Variants in UBE2V2 observed in about 807,000 individuals in gnomAD.
UBE2V2 encodes ubiquitin conjugating enzyme E2 V2.
A neutral mutation model predicts 17.2 loss-of-function variants in UBE2V2; 9 were observed. That is an observed-to-expected ratio of 0.52 (90% CI 0.32 to 0.91). The LOEUF is 0.91. Ranked by LOEUF, UBE2V2 falls within the 40% of genes least tolerant of loss-of-function variation. UBE2V2 has a pLI of 0.04. For missense variants in UBE2V2, 133 were observed against 182.6 expected (o/e 0.73, Z 1.56); for synonymous variants, 61 against 57.5 (o/e 1.06, Z -0.28).
chr8:48,042,829 T>G (rs2091472833), intron 1 of UBE2V2: 2 of 410,922 alleles, frequency 4.9e-6, no homozygotes, highest in South Asian at 1.8e-4. Flanking sequence ...CTGCTGTTAA[T>G]GTTTGGTACA....
chr8:48,014,035 A>G (rs758490126), intron 1 of UBE2V2, among the ~76,000 whole-genome samples: 24 of 152,240 alleles, frequency 1.6e-4, no homozygotes, highest in Non-Finnish European at 4.4e-5. Context: ...CATAGTTTAA[A>G]TCATAACCTA....
intron 3 of UBE2V2, among the ~76,000 whole-genome samples, chr8:48,056,635 AC>A (rs2091573582): frequency 6.7e-6 from 1 of 149,636 alleles, no homozygotes; most frequent in Admixed American, 6.6e-5. Flanking sequence ...CAAGAGATCC[AC>A]CCGCCTATCT....
upstream of UBE2V2, among the ~76,000 whole-genome samples, chr8:48,005,225 G>A (rs1276256128): frequency 6.6e-6 from 1 of 151,634 alleles, no homozygotes; most frequent in Admixed American, 6.6e-5. Flanking sequence ...GTGTCCATGT[G>A]TTCTCACTGT....
intron 1 of UBE2V2, chr8:48,042,306 A>C (rs1369335706): frequency 6.6e-6 from 1 of 152,234 alleles, no homozygotes; most frequent in Admixed American, 6.5e-5. Flanking sequence ...TCTAAGGTGC[A>C]TAAAATTAAA....
At chr8:48,006,234 C>T (rs946028194), upstream of UBE2V2, among the ~76,000 whole-genome samples, 8 of 152,200 alleles carry the variant, frequency 5.3e-5, no homozygotes, top group African/African-American at 1.9e-4. Flanking sequence ...CTGCATATGG[C>T]TACCCAGTTT....
chr8:48,012,784 AAAAG>A (rs1156581215), intron 1 of UBE2V2, among the ~76,000 whole-genome samples: 2 of 152,194 alleles, frequency 1.3e-5, no homozygotes, highest in African/African-American at 2.4e-5. Flanking sequence ...AGTTTTACAG[AAAAG>A]TTGTGAAGAT....
intron 1 of UBE2V2, among the ~76,000 whole-genome samples, chr8:48,030,487 C>T (rs1166712757): frequency 6.6e-6 from 1 of 152,106 alleles, no homozygotes; most frequent in Non-Finnish European, 1.5e-5. Context: ...TTGGGAGGCC[C>T]AGGCAGGCAG....
intron 1 of UBE2V2, among the ~76,000 whole-genome samples, chr8:48,021,684 G>T (rs1030377008): frequency 6.6e-6 from 1 of 150,814 alleles, no homozygotes; most frequent in South Asian, 2.1e-4. Context: ...GAGCCAATGC[G>T]CCTGGCTCTC....
intron 1 of UBE2V2, chr8:48,034,873 C>A: frequency 5.3e-6 from 1 of 188,322 alleles, no homozygotes; most frequent in Non-Finnish European, 9.9e-6. Flanking sequence ...TAGAGTCACT[C>A]ATGTGGTTGC....
rs929303298 is a variant in UBE2V2, at chr8:48,062,064, T to C, written c.*1236T>C. On this transcript the variant is annotated 3_prime_UTR_variant, in exon 4 of 4. Coordinates refer to ENST00000523111, the MANE Select transcript of UBE2V2 (RefSeq NM_003350.3). ...AACTCTGAAGTTGAAAAGTCATTTA[T>C]GTTCCGCTTTCACCAAAGTGACGTG... The C allele has an allele frequency of 7.2e-5, 11 of 152,216 alleles. No individual in the cohort carries two copies. Among genetic ancestry groups the C allele is most frequent in the African/African-American group, 2.7e-4 (11 of 41,462 alleles). The allele number at this position is 152,216 out of a possible 1,614,324, so 9.4% of individuals were successfully genotyped here. A position where few individuals can be genotyped will look rare whatever the true frequency, so the allele number is the denominator to read the frequency against.
chr8:48,048,646 A>C (rs1393388808), intron 2 of UBE2V2, among the ~76,000 whole-genome samples: 1 of 152,146 alleles, frequency 6.6e-6, no homozygotes, highest in African/African-American at 2.4e-5. Flanking sequence ...TTTTTCTTAA[A>C]GTATTGAAAT....
chr8:48,003,165 G>A, the UBE2V2 span, among the ~76,000 whole-genome samples: 7 of 150,438 alleles, frequency 4.7e-5, no homozygotes, highest in Non-Finnish European at 1.0e-4. Context: ...AGCCAAGATT[G>A]CGCCACTGCA....
At position 48,049,955 on chromosome 8, in the gene UBE2V2, G is replaced by A. The variant is rs1350884684; in HGVS notation, c.268G>A (p.Gly90Arg). The A allele has an allele frequency of 5.8e-6, 9 of 1,560,052 alleles. No individual in the cohort carries two copies. The highest frequency in any genetic ancestry group is 2.3e-5 in the East Asian group (1 of 43,766). ...ATTTGTAACAAAAATTAATATGAAC[G>A]GAATAAATAATTCCAGTGGGATGGT... ...VRFVTKINMN[G>R]INNSSGMVDA... is the part of the protein sequence containing the mutation. The change falls in exon 3 of 4, where the codon GGA (glycine) becomes AGA (arginine). Residue 90 changes from glycine (G) to arginine (R), a missense_variant. Gly to Arg is a moderately radical substitution (Grantham distance 125). This residue lies in a region of UBE2V2 where 92 missense variants were observed against 124.3 expected (regional missense o/e 0.74). Transcript: ENST00000523111.
chr8:48,007,716 G>GT (rs1009639367), upstream of UBE2V2, among the ~76,000 whole-genome samples: 1 of 146,788 alleles, frequency 6.8e-6, no homozygotes, highest in Non-Finnish European at 1.5e-5. Flanking sequence ...CGCCCAGCCT[G>GT]TATTACTTTC....
Position 48,012,582 on chromosome 8 carries a change from G to A in UBE2V2, c.16+4112G>A, listed in dbSNP as rs192021299. Among the ~76,000 whole-genome samples, 758 of 152,000 alleles carry A rather than the reference G, an allele frequency of 5.0e-3. 4 individuals are homozygous for A. The highest frequency in any genetic ancestry group is 8.6e-3 in the Non-Finnish European group (585 of 67,994). On this transcript the variant is annotated intron_variant, in intron 1 of 3. Transcript: ENST00000523111. ...AAAAATACAAAATTATCCGGGCGTG[G>A]TGGCACATGCCTGTAATTCCAGCTA...
rs1403726742 is a variant in UBE2V2 at position 48,062,239 on chromosome 8, C to G, written c.*1411C>G. 6.6e-6 allele frequency: 1 copy of G among 151,678 alleles called. No homozygotes were observed. Among genetic ancestry groups the G allele is most frequent in the East Asian group, 1.9e-4 (1 of 5,194 alleles). The allele number at this position is 151,678 out of a possible 1,614,324, so 9.4% of individuals were successfully genotyped here. ...CTTAATAATTTGTGTCATACTTTAC[C>G]CCAGTATATATAGGCAAACCAAAAC... On this transcript the variant is annotated 3_prime_UTR_variant, in exon 4 of 4. Transcript: ENST00000523111.
In UBE2V2 at chr8:48,008,857, G is replaced by A. The variant is rs556201894; in HGVS notation, c.16+387G>A. ...ATGGGTCAGGCCAACCGGCACCGAA[G>A]ATGGGTCAGGCCAAGAGGTGTCCTG... On this transcript the variant is annotated intron_variant, in intron 1 of 3. Coordinates refer to ENST00000523111, the MANE Select transcript of UBE2V2 (RefSeq NM_003350.3). Among the ~76,000 whole-genome samples the A allele has an allele frequency of 2.2e-4, 33 of 152,274 alleles. No individual in the cohort carries two copies. The South Asian group carries it at 6.6e-3, about 31-fold the overall frequency.
At chr8:48,060,352 G>A (rs1295979597) in intron 3 of UBE2V2, among the ~76,000 whole-genome samples, 3 of 151,926 alleles carry the variant, frequency 2.0e-5, no homozygotes, top group Admixed American at 1.3e-4. Flanking sequence ...GATTTTGGGC[G>A]GTGGCATTGG....
At chr8:48,017,082 C>T (rs183803436) in intron 1 of UBE2V2, among the ~76,000 whole-genome samples, 10 of 152,180 alleles carry the variant, frequency 6.6e-5, no homozygotes, top group East Asian at 1.9e-4. Flanking sequence ...TGAGCCACTG[C>T]GCTTGGCCTC....
Sources: gnomAD v4.1 joint callset for allele counts (sites outside exome capture counted in the v4.1 genomes callset) on GRCh38, gnomAD v4.1.1 for gene constraint, gnomAD v4.1.1 regional missense constraint, MANE v1.5 for transcripts, NCBI Gene and HGNC (gene_info 2026-07-23, HGNC 2026-07-21) for gene names.